The following SEMA6A variants were observed in gnomAD, a reference collection of about 807,000 sequenced individuals.
SEMA6A encodes semaphorin 6A.
SEMA6A carries 25 observed loss-of-function variants against 96.8 expected under a neutral mutation model. The ratio of observed to expected loss-of-function variants is 0.26; its 90% confidence interval spans 0.19 to 0.36. SEMA6A has a LOEUF of 0.36. Ranked by LOEUF, SEMA6A falls within the 10% of genes least tolerant of loss-of-function variation. SEMA6A has a pLI of 1.00. For missense variants in SEMA6A, 1,363 were observed against 1,323.1 expected (o/e 1.03, Z -0.47); for synonymous variants, 612 against 518.0 (o/e 1.18, Z -2.46).
At chr5:116,486,060 A>G (rs183353224) in intron 10 of SEMA6A, among the ~76,000 whole-genome samples, 30 of 152,334 alleles carry the variant, frequency 2.0e-4, no homozygotes, top group African/African-American at 7.0e-4. Context: ...TGTAGGTACA[A>G]TGTTTGATGA....
At chr5:116,563,706 A>G (rs1443753140) in intron 1 of SEMA6A, among the ~76,000 whole-genome samples, 1 of 152,224 alleles carries the variant, frequency 6.6e-6, no homozygotes, top group Non-Finnish European at 1.5e-5. Context: ...AATGAACTCA[A>G]TTCAACAAAA....
chr5:116,445,812 C>T lies in SEMA6A; in HGVS notation c.*801G>A, dbSNP rs1335529919. ...CAATTATTCCAGTTAATGGATTTCACGTTAAATAGTTTAACTTTCAATGGG... is the reference window on the plus strand; with the variant it reads ...CAATTATTCCAGTTAATGGATTTCATGTTAAATAGTTTAACTTTCAATGGG... On this transcript the variant is annotated 3_prime_UTR_variant, in exon 19 of 19. Transcript: ENST00000343348. 3.3e-5 allele frequency: 5 copies of T among 152,660 alleles called. No individual in the cohort carries two copies. Among genetic ancestry groups the T allele is most frequent in the Admixed American group, 6.5e-5 (1 of 15,284 alleles). 9.5% of individuals were successfully genotyped at this position (152,660 alleles called of 1,614,324 possible).
chr5:116,513,511 A>G (rs996005300), intron 1 of SEMA6A, among the ~76,000 whole-genome samples: 1 of 151,878 alleles, frequency 6.6e-6, no homozygotes, highest in East Asian at 1.9e-4. Flanking sequence ...GGAAAACTCT[A>G]CTTACATGTA....
At chr5:116,453,032 A>G (rs1561464111) in intron 18 of SEMA6A, among the ~76,000 whole-genome samples, 1 of 152,242 alleles carries the variant, frequency 6.6e-6, no homozygotes, top group Admixed American at 6.5e-5. Flanking sequence ...TACATTGGAA[A>G]TGGCATTTGA....
chr5:116,507,440 C>T (rs1331913659), intron 1 of SEMA6A, among the ~76,000 whole-genome samples: 2 of 152,152 alleles, frequency 1.3e-5, no homozygotes, highest in Non-Finnish European at 2.9e-5. Context: ...CCAAAGAACA[C>T]AGGCTTGAGT....
At chr5:116,522,549 G>T (rs926694337) in intron 1 of SEMA6A, among the ~76,000 whole-genome samples, 1 of 152,092 alleles carries the variant, frequency 6.6e-6, no homozygotes, top group African/African-American at 2.4e-5. Context: ...CTATAAACCC[G>T]CCTGCGTGCC....
Position 116,468,030 on chromosome 5 carries a change from C to G in SEMA6A, c.1730-283G>C, listed in dbSNP as rs116169855. The G allele has an allele frequency of 6.4e-3, 2,463 of 382,822 alleles. 14 individuals carry two copies. Among genetic ancestry groups the G allele is most frequent in the Middle Eastern group, 0.013 (19 of 1,412 alleles). The allele number at this position is 382,822 out of a possible 1,614,324, so 23.7% of individuals were successfully genotyped here. A position where few individuals can be genotyped will look rare whatever the true frequency, so the allele number is the denominator to read the frequency against. ...GGGAATCACTTAACCTCTTCCTGTGCACCCAGTGGGGATAAAGATACCTCT... is the reference window on the plus strand; with the variant it reads ...GGGAATCACTTAACCTCTTCCTGTGGACCCAGTGGGGATAAAGATACCTCT... On this transcript the variant is annotated intron_variant, in intron 17 of 18. Coordinates refer to ENST00000343348, the MANE Select transcript of SEMA6A (RefSeq NM_020796.5).
chr5:116,570,577 T>TA (rs1458600460), intron 1 of SEMA6A, among the ~76,000 whole-genome samples: 1 of 152,214 alleles, frequency 6.6e-6, no homozygotes, highest in Admixed American at 6.5e-5. Context: ...GATGCTTAAT[T>TA]AAAGCATTTG....
At chr5:116,536,866 T>TTA (rs1561524239) in intron 1 of SEMA6A, among the ~76,000 whole-genome samples, 4 of 69,474 alleles carry the variant, frequency 5.8e-5, no homozygotes, top group Non-Finnish European at 1.1e-4. Context: ...TGTGATTTCT[T>TTA]AAAAAAAAAA....
intron 11 of SEMA6A, among the ~76,000 whole-genome samples, chr5:116,480,640 C>T (rs1362546016): frequency 6.6e-6 from 1 of 152,076 alleles, no homozygotes; most frequent in Non-Finnish European, 1.5e-5. Context: ...GCTAGAGATT[C>T]CTCATGCATT....
rs1052485070 is a variant in SEMA6A, at chr5:116,446,464, T to G, written c.*149A>C. 1.2e-5 allele frequency: 8 copies of G among 640,222 alleles called. No individual in the cohort carries two copies. The Admixed American group carries it at 2.5e-4, about 20-fold the overall frequency. The allele number at this position is 640,222 out of a possible 1,614,324, so 39.7% of individuals were successfully genotyped here. On this transcript the variant is annotated 3_prime_UTR_variant, in exon 19 of 19. Transcript: ENST00000343348. ...GCGGCCCAGTTTTCGTGAGTACCCC[T>G]GTGTCCCAGAGAGGAGGACCCAGCG...
intron 2 of SEMA6A, 30 bp from the exon 3 acceptor site, chr5:116,502,357 G>A (rs1359540179): frequency 6.3e-7 from 1 of 1,598,864 alleles, no homozygotes; most frequent in Non-Finnish European, 8.6e-7. Flanking sequence ...GGCAAGAAAG[G>A]AAAAGCAAAT....
rs1167095614 is a variant in SEMA6A at position 116,447,519 on chromosome 5, G to C, written c.2187C>G (p.Asn729Lys). 2 of 1,614,080 alleles carry C rather than the reference G, an allele frequency of 1.2e-6. No homozygotes were observed. Among genetic ancestry groups the C allele is most frequent in the Non-Finnish European group, 1.7e-6 (2 of 1,179,912 alleles). ...TGTTGCCGGGAGTGGCGAGCTTGCC[G>C]TTGTGCATGAGTGGCGTGAGGATGG... ...PEAILTPLMH[N>K]GKLATPGNTA... is the part of the protein sequence containing the mutation. Residue 729 changes from asparagine (N) to lysine (K), a missense_variant, in exon 19 of 19, where the codon AAC (asparagine) becomes AAG (lysine). Transcript: ENST00000343348.
At chr5:116,524,372 G>C (rs144696852) in intron 1 of SEMA6A, among the ~76,000 whole-genome samples, 28 of 152,334 alleles carry the variant, frequency 1.8e-4, no homozygotes, top group African/African-American at 6.0e-4. Context: ...CTGGTCACCA[G>C]TGTCAGTCCA....
At chr5:116,474,291 C>T (rs2112673734) in intron 16 of SEMA6A, among the ~76,000 whole-genome samples, 1 of 151,764 alleles carries the variant, frequency 6.6e-6, no homozygotes, top group Admixed American at 6.6e-5. Flanking sequence ...CACACACACA[C>T]ACACACACAC....
intron 17 of SEMA6A, among the ~76,000 whole-genome samples, chr5:116,470,341 T>TTCCA (rs1462430226): frequency 6.6e-6 from 1 of 152,214 alleles, no homozygotes; most frequent in East Asian, 1.9e-4. Flanking sequence ...TGTGATATCA[T>TTCCA]ATGTCAATAG....
intron 1 of SEMA6A, among the ~76,000 whole-genome samples, chr5:116,525,380 G>A (rs2112826551): frequency 6.6e-6 from 1 of 152,274 alleles, no homozygotes; most frequent in South Asian, 2.1e-4. Context: ...CCTGGCCCAT[G>A]AAGAGTTATT....
intron 7 of SEMA6A, among the ~76,000 whole-genome samples, chr5:116,490,613 C>A (rs929496616): frequency 6.6e-6 from 1 of 152,198 alleles, no homozygotes; most frequent in East Asian, 1.9e-4. Context: ...CCTGTGCTCT[C>A]ATTTAGGGGG....
intron 1 of SEMA6A, among the ~76,000 whole-genome samples, chr5:116,549,779 T>C (rs1282945097): frequency 6.6e-6 from 1 of 152,174 alleles, no homozygotes; most frequent in Non-Finnish European, 1.5e-5. Context: ...ATTCATACTA[T>C]GTACAAATTA....
Sources: gnomAD v4.1 joint callset for allele counts (sites outside exome capture counted in the v4.1 genomes callset) on GRCh38, gnomAD v4.1.1 for gene constraint, MANE v1.5 for transcripts, NCBI Gene and HGNC (gene_info 2026-07-23, HGNC 2026-07-21) for gene names.